FCHSD2: variants seen among roughly 807,000 people sequenced by gnomAD.
FCHSD2 encodes the protein F-BAR and double SH3 domains protein 2.
In FCHSD2, 38 loss-of-function variants were observed where a neutral mutation model predicts 108.1. That is an observed-to-expected ratio of 0.35 (90% CI 0.27 to 0.46). FCHSD2 has a LOEUF of 0.46. Ranked by LOEUF, FCHSD2 falls within the 20% of genes least tolerant of loss-of-function variation. The pLI is 1.00. For missense variants in FCHSD2, 751 were observed against 897.8 expected (o/e 0.84, Z 2.09); for synonymous variants, 279 against 314.7 (o/e 0.89, Z 1.20).
intron 8 of FCHSD2, among the ~76,000 whole-genome samples, chr11:72,960,294 A>G (rs955949774): frequency 1.3e-5 from 2 of 152,178 alleles, no homozygotes; most frequent in Admixed American, 6.5e-5. Context: ...ATCCACCCTC[A>G]TGACCCAAAC....
chr11:72,970,568 C>T (rs1318776661), intron 8 of FCHSD2, among the ~76,000 whole-genome samples: 1 of 152,112 alleles, frequency 6.6e-6, no homozygotes, highest in Non-Finnish European at 1.5e-5. Context: ...ATTGCTAGCA[C>T]TCTCATGGCT....
At chr11:73,139,474 A>G (rs1255160564) in intron 2 of FCHSD2, among the ~76,000 whole-genome samples, 1 of 152,252 alleles carries the variant, frequency 6.6e-6, no homozygotes, top group African/African-American at 2.4e-5. Flanking sequence ...TTTTCACAAT[A>G]TTAGCAAGAT....
intron 8 of FCHSD2, among the ~76,000 whole-genome samples, chr11:72,979,003 G>A (rs535904708): frequency 8.6e-5 from 13 of 152,006 alleles, no homozygotes; most frequent in African/African-American, 3.1e-4. Context: ...GACTACAAGT[G>A]CATGCCTCCA....
intron 8 of FCHSD2, among the ~76,000 whole-genome samples, chr11:72,976,439 G>A (rs951876225): frequency 3.3e-5 from 5 of 151,868 alleles, no homozygotes; most frequent in African/African-American, 9.7e-5. Flanking sequence ...CTACAAGCAC[G>A]TGCTAATTTT....
At chr11:72,946,637 G>A (rs1351364777) in intron 8 of FCHSD2, among the ~76,000 whole-genome samples, 2 of 152,134 alleles carry the variant, frequency 1.3e-5, no homozygotes, top group African/African-American at 4.8e-5. Context: ...CTGTAAAATA[G>A]GTATTGTGGA....
At chr11:72,935,809 G>A (rs1856288150) in intron 8 of FCHSD2, among the ~76,000 whole-genome samples, 1 of 152,196 alleles carries the variant, frequency 6.6e-6, no homozygotes, top group South Asian at 2.1e-4. Flanking sequence ...TGTGAAAGAG[G>A]AAACAAATAA....
chr11:72,841,062 G>GGATA, intron 18 of FCHSD2, 103 bp from the exon 19 acceptor site: 2 of 831,810 alleles, frequency 2.4e-6, no homozygotes, highest in Non-Finnish European at 4.0e-6. Flanking sequence ...CAGCACTTTG[G>GGATA]GATACTGAGG....
At chr11:73,110,227 C>T (rs1860450461) in intron 2 of FCHSD2, among the ~76,000 whole-genome samples, 1 of 151,802 alleles carries the variant, frequency 6.6e-6, no homozygotes, top group South Asian at 2.1e-4. Flanking sequence ...GGAATATTCC[C>T]TCCTCCTCTA....
rs576379602 is a variant in FCHSD2, at chr11:73,072,234, G to T, written c.165+11461C>A. Among the ~76,000 whole-genome samples, 360 of 151,590 alleles carry T rather than the reference G, an allele frequency of 2.4e-3. 1 individual carries two copies. Among genetic ancestry groups the T allele is most frequent in the African/African-American group, 8.3e-3 (341 of 41,310 alleles). On this transcript the variant is annotated intron_variant, in intron 3 of 19. Coordinates refer to ENST00000409418, the MANE Select transcript of FCHSD2 (RefSeq NM_014824.3). The stretch of plus-strand genomic sequence containing the variant: ...ATTAATTAATAGAAACAGAAGGTTT[G>T]GGGAGGAAAATAATGGGGATCAGCA...
At chr11:73,052,208 G>A (rs1340588596) in intron 3 of FCHSD2, among the ~76,000 whole-genome samples, 1 of 152,088 alleles carries the variant, frequency 6.6e-6, no homozygotes, top group East Asian at 1.9e-4. Context: ...CAAACATAAC[G>A]ATTTCTAAAC....
At chr11:72,881,854 G>C (rs2135234799) in intron 12 of FCHSD2, among the ~76,000 whole-genome samples, 1 of 152,292 alleles carries the variant, frequency 6.6e-6, no homozygotes, top group South Asian at 2.1e-4. Flanking sequence ...AGAGAGTAGA[G>C]GCTGGGGCCG....
chr11:72,903,466 G>A (rs1855569340), intron 9 of FCHSD2, among the ~76,000 whole-genome samples: 1 of 151,668 alleles, frequency 6.6e-6, no homozygotes, highest in Non-Finnish European at 1.5e-5. Flanking sequence ...TGATCCACCG[G>A]CCTCGGCCTC....
intron 8 of FCHSD2, among the ~76,000 whole-genome samples, chr11:72,948,666 C>T (rs2135353009): frequency 1.3e-5 from 1 of 79,978 alleles, no homozygotes; most frequent in Non-Finnish European, 2.2e-5. Context: ...TCATAATTTT[C>T]ATTTCTTTTT....
chr11:72,895,511 A>C (rs1214875950), intron 10 of FCHSD2, among the ~76,000 whole-genome samples: 1 of 152,184 alleles, frequency 6.6e-6, no homozygotes, highest in Non-Finnish European at 1.5e-5. Context: ...TCTTGCTTTA[A>C]GAGCTATAAT....
intron 11 of FCHSD2, among the ~76,000 whole-genome samples, 185 bp downstream of exon 11, chr11:72,889,644 T>C (rs1591372770): frequency 1.4e-5 from 2 of 146,584 alleles, no homozygotes; most frequent in Admixed American, 1.4e-4. Flanking sequence ...GCCCAGGAGG[T>C]TGAAGCTGCA....
At chr11:72,947,976 T>C (rs181426916) in intron 8 of FCHSD2, among the ~76,000 whole-genome samples, 1 of 152,312 alleles carries the variant, frequency 6.6e-6, no homozygotes, top group African/African-American at 2.4e-5. Context: ...TTTTATGACA[T>C]CGTTTGGGTA....
At chr11:72,886,264 C>T (rs1012731691) in intron 12 of FCHSD2, among the ~76,000 whole-genome samples, 2 of 152,120 alleles carry the variant, frequency 1.3e-5, no homozygotes, top group Non-Finnish European at 2.9e-5. Flanking sequence ...GAAAGTATTT[C>T]CCAATACTAA....
Position 72,836,903 on chromosome 11 carries a change from T to C in FCHSD2, c.*1888A>G, listed in dbSNP as rs1481570756. ...TATCCTGGATGGAGGGGTTATTTTT[T>C]AAAAAGGAGGCATGTTTTCACAACT... On this transcript the variant is annotated 3_prime_UTR_variant, in exon 20 of 20. Transcript: ENST00000409418. 1.3e-5 allele frequency: 2 copies of C among 152,572 alleles called. No homozygotes were observed. The highest frequency in any genetic ancestry group is 2.9e-5 in the Non-Finnish European group (2 of 68,022). The allele number at this position is 152,572 out of a possible 1,614,324, so 9.5% of individuals were successfully genotyped here. A position where few individuals can be genotyped will look rare whatever the true frequency, so the allele number is the denominator to read the frequency against.
chr11:72,931,095 AAT>A (rs1169130315), intron 8 of FCHSD2, among the ~76,000 whole-genome samples: 26 of 43,840 alleles, frequency 5.9e-4, no homozygotes, highest in Middle Eastern at 0.014. Flanking sequence ...ACAATAATTA[AAT>A]TTTTTTTTTT....
Sources: allele counts gnomAD v4.1 joint callset (sites outside exome capture counted in the v4.1 genomes callset), GRCh38; gene constraint gnomAD v4.1.1; transcripts MANE v1.5; gene names NCBI Gene and HGNC (gene_info 2026-07-23, HGNC 2026-07-21).